Variants in SEPTIN11 observed in about 807,000 individuals in gnomAD.
SEPTIN11 encodes the protein septin-11.
A neutral mutation model predicts 51.4 loss-of-function variants in SEPTIN11; 25 were observed. That is an observed-to-expected ratio of 0.49 (90% CI 0.35 to 0.68). SEPTIN11 has a LOEUF of 0.68. Ranked by LOEUF, SEPTIN11 falls within the 30% of genes least tolerant of loss-of-function variation. SEPTIN11 has a pLI of 0.00. For synonymous variants in SEPTIN11, 174 were observed against 184.1 expected, an observed-to-expected ratio of 0.95 and a Z score of 0.44; for missense variants, 381 against 520.8, an observed-to-expected ratio of 0.73 and a Z score of 2.61.
chr4:76,977,576 A>G (rs1045175322), intron 1 of SEPTIN11, among the ~76,000 whole-genome samples: 1 of 152,218 alleles, frequency 6.6e-6, no homozygotes, highest in Admixed American at 6.5e-5. Flanking sequence ...TTTTAAATAT[A>G]AGCTCAGAAG....
At chr4:77,016,595 CACACATATATATATAT>C (rs1725253838) in intron 5 of SEPTIN11, among the ~76,000 whole-genome samples, 5 of 104,416 alleles carry the variant, frequency 4.8e-5, no homozygotes, top group South Asian at 6.0e-4. Context: ...TATATATACA[CACACATATATATATAT>C]ACACATATAT....
chr4:77,023,771 G>A (rs1725911451), intron 7 of SEPTIN11, among the ~76,000 whole-genome samples: 1 of 152,130 alleles, frequency 6.6e-6, no homozygotes, highest in Non-Finnish European at 1.5e-5. Context: ...AATGGAGTGA[G>A]GTGACTCTGT....
chr4:76,959,829 G>A (rs921898575), intron 1 of SEPTIN11, among the ~76,000 whole-genome samples: 2 of 152,074 alleles, frequency 1.3e-5, no homozygotes, highest in African/African-American at 4.8e-5. Context: ...CCCTAAGAGT[G>A]TTTATTTTAT....
chr4:77,030,757 C>A, intron 8 of SEPTIN11, 26 bp from the exon 9 acceptor site: 1 of 1,567,768 alleles, frequency 6.4e-7, no homozygotes, highest in Non-Finnish European at 8.6e-7. Flanking sequence ...TTCCATTCAC[C>A]AAGCCTGTTT....
At chr4:76,967,942 G>A (rs1722096242) in intron 1 of SEPTIN11, among the ~76,000 whole-genome samples, 1 of 152,058 alleles carries the variant, frequency 6.6e-6, no homozygotes, top group African/African-American at 2.4e-5. Context: ...ATACAGGCCC[G>A]GCCATAAGAG....
In SEPTIN11 at chr4:76,955,808, C is replaced by T. The variant is rs74720659; in HGVS notation, c.27+5878C>T. Among the ~76,000 whole-genome samples, 657 of 152,264 alleles carry T rather than the reference C, an allele frequency of 4.3e-3. 6 individuals carry two copies. The highest frequency in any genetic ancestry group is 0.015 in the African/African-American group (638 of 41,556). ...GTCCAGTGACAACATATGACAACGA[C>T]AATGCTAGATCTTCCTCTGCCCAGT... On this transcript the variant is annotated intron_variant, in intron 1 of 9. Coordinates refer to ENST00000264893, the MANE Select transcript of SEPTIN11 (RefSeq NM_018243.4).
chr4:76,950,930 C>T (rs1252075436), intron 1 of SEPTIN11, among the ~76,000 whole-genome samples: 1 of 152,206 alleles, frequency 6.6e-6, no homozygotes, highest in African/African-American at 2.4e-5. Flanking sequence ...TCGATGTTCA[C>T]AGTCCACTCG....
chr4:76,986,014 G>T (rs1313113070), intron 1 of SEPTIN11, among the ~76,000 whole-genome samples: 2 of 152,092 alleles, frequency 1.3e-5, no homozygotes, highest in African/African-American at 4.8e-5. Flanking sequence ...AGAGTGTGGT[G>T]GGTGACCAGC....
chr4:77,000,243 T>C (rs1724025277), intron 2 of SEPTIN11, among the ~76,000 whole-genome samples: 1 of 152,232 alleles, frequency 6.6e-6, no homozygotes, highest in African/African-American at 2.4e-5. Flanking sequence ...AGAACAGGAA[T>C]TGAAAACAGG....
chr4:77,011,420 A>G (rs1386979281), intron 3 of SEPTIN11, among the ~76,000 whole-genome samples: 1 of 151,544 alleles, frequency 6.6e-6, no homozygotes, highest in African/African-American at 2.4e-5. Context: ...TCTCTGTTTT[A>G]GAGGATGAAT....
intron 1 of SEPTIN11, among the ~76,000 whole-genome samples, chr4:76,973,305 A>T (rs777734549): frequency 2.0e-5 from 3 of 152,168 alleles, no homozygotes; most frequent in African/African-American, 7.2e-5. Context: ...TTCCAGCCCC[A>T]GCCTTGTTCC....
downstream of SEPTIN11, chr4:77,039,300 G>A (rs1727237832): frequency 2.5e-5 from 27 of 1,095,166 alleles, no homozygotes; most frequent in Non-Finnish European, 3.0e-5. Context: ...ACCAAAAATA[G>A]TCATATTCAA....
chr4:76,956,536 G>A (rs1212764536), intron 1 of SEPTIN11, among the ~76,000 whole-genome samples: 1 of 152,224 alleles, frequency 6.6e-6, no homozygotes, highest in Non-Finnish European at 1.5e-5. Context: ...TCGGAGGTCT[G>A]CTGCATACTG....
At chr4:77,023,175 T>G (rs924218704) in intron 7 of SEPTIN11, among the ~76,000 whole-genome samples, 1 of 151,688 alleles carries the variant, frequency 6.6e-6, no homozygotes, top group Admixed American at 6.6e-5. Flanking sequence ...TGCCTGACGC[T>G]TAGAGAGCAT....
intron 7 of SEPTIN11, among the ~76,000 whole-genome samples, chr4:77,026,576 G>A (rs906512862): frequency 2.0e-5 from 3 of 152,074 alleles, no homozygotes; most frequent in Non-Finnish European, 4.4e-5. Flanking sequence ...GGATATCAGG[G>A]GCACCATTCT....
intron 1 of SEPTIN11, among the ~76,000 whole-genome samples, chr4:76,981,480 A>G (rs973907627): frequency 6.6e-6 from 1 of 152,222 alleles, no homozygotes; most frequent in Non-Finnish European, 1.5e-5. Context: ...CCTAAGCACA[A>G]CAGTATGTGT....
intron 7 of SEPTIN11, among the ~76,000 whole-genome samples, chr4:77,027,169 T>C (rs1259866696): frequency 6.6e-6 from 1 of 152,198 alleles, no homozygotes; most frequent in Non-Finnish European, 1.5e-5. Context: ...GGAGTCTTGC[T>C]CTGTTGCCCA....
At chr4:77,002,053 G>C (rs996821331) in intron 2 of SEPTIN11, among the ~76,000 whole-genome samples, 4 of 152,144 alleles carry the variant, frequency 2.6e-5, no homozygotes, top group African/African-American at 9.7e-5. Context: ...GTCATTTCCT[G>C]CTGAACTGCT....
At chr4:77,005,947 G>A (rs2109948471) in intron 3 of SEPTIN11, 151 bp downstream of exon 3, 2 of 663,634 alleles carry the variant, frequency 3.0e-6, no homozygotes, top group East Asian at 5.6e-5. Flanking sequence ...TGTCCTCTGA[G>A]AATTTTTCTG....
Sources: allele counts gnomAD v4.1 joint callset (sites outside exome capture counted in the v4.1 genomes callset), GRCh38; gene constraint gnomAD v4.1.1; transcripts MANE v1.5; gene names NCBI Gene and HGNC (gene_info 2026-07-23, HGNC 2026-07-21).